Variants in FARS2 observed in about 807,000 individuals in gnomAD.
FARS2 encodes the protein phenylalanine--tRNA ligase, mitochondrial.
FARS2 carries 40 observed loss-of-function variants against 46.4 expected under a neutral mutation model. That is an observed-to-expected ratio of 0.86 (90% CI 0.67 to 1.12). The LOEUF (loss-of-function observed/expected upper bound fraction) is 1.12. Among genes scored for constraint, FARS2 ranks in the 50% most tolerant of loss-of-function variants. FARS2 has a pLI of 0.00. For synonymous variants in FARS2, 234 were observed against 214.9 expected, an observed-to-expected ratio of 1.09 and a Z score of -0.78; for missense variants, 513 against 567.9, an observed-to-expected ratio of 0.90 and a Z score of 0.98.
chr6:5,712,450 C>G (rs1341728299), intron 6 of FARS2, among the ~76,000 whole-genome samples: 4 of 152,198 alleles, frequency 2.6e-5, no homozygotes, highest in Admixed American at 1.3e-4. Context: ...GTCTGGGTAC[C>G]TGGCATGGAC....
At chr6:5,280,644 A>C (rs1766652354) in intron 1 of FARS2, among the ~76,000 whole-genome samples, 1 of 151,694 alleles carries the variant, frequency 6.6e-6, no homozygotes, top group South Asian at 2.1e-4. Context: ...TTATCTTTTT[A>C]ATCTTGATTT....
Position 5,656,077 on chromosome 6 carries a change from T to C in FARS2, c.1217+42757T>C, listed in dbSNP as rs188454040. 3.0e-3 allele frequency among the ~76,000 whole-genome samples: 454 copies of C among 152,330 alleles called. 3 individuals carry two copies. Among genetic ancestry groups the C allele is most frequent in the African/African-American group, 0.01 (434 of 41,572 alleles). Reference sequence around the variant, plus strand: ...TCATCCTAGGGAACCACTAACACTCTAGAAAAACCAGTATCGCCATTTTTC... The same window carrying C: ...TCATCCTAGGGAACCACTAACACTCCAGAAAAACCAGTATCGCCATTTTTC... On this transcript the variant is annotated intron_variant, in intron 6 of 6. Transcript: ENST00000274680.
chr6:5,258,267 C>T (rs1156841610), upstream of FARS2, among the ~76,000 whole-genome samples: 3 of 152,216 alleles, frequency 2.0e-5, no homozygotes, highest in African/African-American at 7.2e-5. Flanking sequence ...TTTCACTACT[C>T]TAATTACTTA....
At chr6:5,307,608 G>A (rs889659824) in intron 1 of FARS2, among the ~76,000 whole-genome samples, 2 of 152,236 alleles carry the variant, frequency 1.3e-5, no homozygotes, top group African/African-American at 4.8e-5. Flanking sequence ...GTAACATTGG[G>A]TAGTATTGCT....
chr6:5,487,532 T>A (rs1561656274), intron 4 of FARS2, among the ~76,000 whole-genome samples: 1 of 152,234 alleles, frequency 6.6e-6, no homozygotes, highest in South Asian at 2.1e-4. Flanking sequence ...ATCGTTGCTA[T>A]TCCCATGTTA....
intron 1 of FARS2, among the ~76,000 whole-genome samples, chr6:5,353,737 T>TG (rs1554167443): frequency 1.4e-5 from 2 of 145,638 alleles, no homozygotes; most frequent in Admixed American, 1.4e-4. Context: ...TTTTTTTTTT[T>TG]TTTTTTTTTT....
chr6:5,298,915 G>A (rs1768089233), intron 1 of FARS2, among the ~76,000 whole-genome samples: 1 of 150,614 alleles, frequency 6.6e-6, no homozygotes, highest in African/African-American at 2.4e-5. Flanking sequence ...TTCTTAGGGT[G>A]TCCTTATTAG....
chr6:5,761,911 C>G (rs900396130), intron 6 of FARS2, among the ~76,000 whole-genome samples: 5 of 151,890 alleles, frequency 3.3e-5, no homozygotes, highest in African/African-American at 1.2e-4. Context: ...AGGGCAGAAA[C>G]CAATCACATG....
chr6:5,710,179 G>A (rs1759050666), intron 6 of FARS2, among the ~76,000 whole-genome samples: 1 of 152,092 alleles, frequency 6.6e-6, no homozygotes, highest in Non-Finnish European at 1.5e-5. Context: ...TTCCCATTTT[G>A]CACCACCAGC....
At chr6:5,493,020 T>C (rs1767219364) in intron 4 of FARS2, among the ~76,000 whole-genome samples, 1 of 152,114 alleles carries the variant, frequency 6.6e-6, no homozygotes, top group South Asian at 2.1e-4. Context: ...TTGGATTGAT[T>C]TTTTCTGCTA....
At chr6:5,611,555 C>T (rs891897040) in intron 5 of FARS2, among the ~76,000 whole-genome samples, 6 of 152,168 alleles carry the variant, frequency 3.9e-5, no homozygotes, top group African/African-American at 9.7e-5. Flanking sequence ...ATCCCATGTC[C>T]GATACCTACC....
chr6:5,632,722 C>T (rs903644334), intron 6 of FARS2, among the ~76,000 whole-genome samples: 1 of 147,048 alleles, frequency 6.8e-6, no homozygotes, highest in Non-Finnish European at 1.5e-5. Flanking sequence ...ATTTGCATTT[C>T]CCTGATGACT....
chr6:5,344,236 G>T (rs1447026666), intron 1 of FARS2, among the ~76,000 whole-genome samples: 3 of 152,102 alleles, frequency 2.0e-5, no homozygotes, highest in Non-Finnish European at 4.4e-5. Context: ...TCACCTGTGG[G>T]CGTATCTGCT....
At chr6:5,682,273 A>G (rs974302312) in intron 6 of FARS2, among the ~76,000 whole-genome samples, 3 of 152,244 alleles carry the variant, frequency 2.0e-5, no homozygotes, top group African/African-American at 4.8e-5. Context: ...AAAAATATAC[A>G]TTTGTATTGG....
the FARS2 span, among the ~76,000 whole-genome samples, chr6:5,255,958 T>G: frequency 6.6e-6 from 1 of 152,108 alleles, no homozygotes; most frequent in Non-Finnish European, 1.5e-5. Flanking sequence ...TAATTCCACT[T>G]ATCAAGTACC....
At chr6:5,608,669 T>G (rs1774989482) in intron 5 of FARS2, among the ~76,000 whole-genome samples, 1 of 152,162 alleles carries the variant, frequency 6.6e-6, no homozygotes, top group South Asian at 2.1e-4. Context: ...AATTCCATGA[T>G]TTTGCTTGGG....
chr6:5,634,523 T>G (rs949612500), intron 6 of FARS2, among the ~76,000 whole-genome samples: 1 of 152,164 alleles, frequency 6.6e-6, no homozygotes, highest in Non-Finnish European at 1.5e-5. Context: ...TTGCCCAGGC[T>G]TGAGAGCCCA....
chr6:5,763,527 G>A (rs116489714), intron 6 of FARS2, among the ~76,000 whole-genome samples: 2,908 of 152,230 alleles, frequency 0.019, 41 homozygotes, highest in Non-Finnish European at 0.026. Flanking sequence ...GAGCCAGAAG[G>A]AGCCTCAGAG....
In FARS2 at chr6:5,713,629, A is replaced by G. The variant is rs1759314914; in HGVS notation, c.1218-57662A>G. On this transcript the variant is annotated intron_variant, in intron 6 of 6. Coordinates refer to ENST00000274680, the MANE Select transcript of FARS2 (RefSeq NM_006567.5). Reference sequence around the variant, plus strand: ...ATTCAGGACTCCGGATTGCTTTGCTAATCCTGGTGTGTCCATGGGCAGGTC... The same window carrying G: ...ATTCAGGACTCCGGATTGCTTTGCTGATCCTGGTGTGTCCATGGGCAGGTC... Among the ~76,000 whole-genome samples the G allele has an allele frequency of 2.0e-5, 3 of 152,386 alleles. No individual in the cohort carries two copies. In the South Asian group the frequency reaches 6.2e-4, roughly 32 times the overall value.
Sources: allele counts gnomAD v4.1 joint callset (sites outside exome capture counted in the v4.1 genomes callset), GRCh38; gene constraint gnomAD v4.1.1; transcripts MANE v1.5; gene names NCBI Gene and HGNC (gene_info 2026-07-23, HGNC 2026-07-21).